The following WNK2 variants were observed in gnomAD, a reference collection of about 807,000 sequenced individuals.
The protein encoded by WNK2 is WNK lysine deficient protein kinase 2, also known as serine/threonine-protein kinase WNK2.
A neutral mutation model predicts 192.1 loss-of-function variants in WNK2; 67 were observed. That is an observed-to-expected ratio of 0.35 (90% CI 0.29 to 0.43). WNK2 has a LOEUF of 0.43. WNK2 is among the 20% of genes least tolerant of loss of function. The probability of loss-of-function intolerance (pLI) is 1.00; values close to 1 mark genes in which losing one functional copy is unlikely to be tolerated. For synonymous variants in WNK2, 1,439 were observed against 1,393.9 expected (o/e 1.03, Z -0.72); for missense variants, 2,698 against 3,089.7 (o/e 0.87, Z 3.01).
chr9:93,238,477 G>A (rs370452448), intron 6 of WNK2, among the ~76,000 whole-genome samples, 156 bp downstream of exon 6: 10 of 152,316 alleles, frequency 6.6e-5, no homozygotes, highest in East Asian at 3.9e-4. Context: ...TGAGCATGTC[G>A]GCCCTGAGTG....
chr9:93,315,823 G>A (rs7860234), intron 28 of WNK2: 22,982 of 146,836 alleles, frequency 0.16, 1,922 homozygotes, highest in East Asian at 0.28. Flanking sequence ...GTGTGTGTGT[G>A]TATATAATGG....
At chr9:93,295,980 A>C (rs1221446896) in intron 23 of WNK2, among the ~76,000 whole-genome samples, 4 of 70,994 alleles carry the variant, frequency 5.6e-5, no homozygotes, top group South Asian at 5.0e-4. Flanking sequence ...TCCCCTCACC[A>C]TCCTCCCTTC....
intron 26 of WNK2, among the ~76,000 whole-genome samples, chr9:93,305,682 G>A (rs777170962): frequency 5.3e-5 from 8 of 152,238 alleles, no homozygotes; most frequent in African/African-American, 9.6e-5. Context: ...GCTGTCCCCC[G>A]AGGCAGGAGG....
At position 93,259,690 on chromosome 9, in the gene WNK2, A is replaced by G; in HGVS notation, c.3066+76A>G. On this transcript the variant is annotated intron_variant, in intron 12 of 29. Coordinates refer to ENST00000427277, the MANE Select transcript of WNK2 (RefSeq NM_006648.4). This position sits in a 1 kb window ranked among gnomAD's most constrained non-coding sequence, Gnocchi z 4.8. ...AGGACCCAGAGATGCAAAGGAGGACAGAGGCAGGCAAGGAGGCAGCCCTGC... is the reference window on the plus strand; with the variant it reads ...AGGACCCAGAGATGCAAAGGAGGACGGAGGCAGGCAAGGAGGCAGCCCTGC... 1 of 1,361,838 alleles carries G rather than the reference A, an allele frequency of 7.3e-7. No individual in the cohort carries two copies. The highest frequency in any genetic ancestry group is 9.7e-7 in the Non-Finnish European group (1 of 1,028,672). 84.4% of individuals were successfully genotyped at this position (1,361,838 alleles called of 1,614,324 possible). A position where few individuals can be genotyped will look rare whatever the true frequency, so the allele number is the denominator to read the frequency against.
At chr9:93,260,223 G>T (rs1844002599) in intron 12 of WNK2, among the ~76,000 whole-genome samples, 1 of 151,620 alleles carries the variant, frequency 6.6e-6, no homozygotes, top group Admixed American at 6.6e-5. Flanking sequence ...CTGGTGGGAG[G>T]CCTTCCCACA....
At position 93,292,712 on chromosome 9, in the gene WNK2, G is replaced by T; in HGVS notation, c.5247G>T (p.Ser1749=). Residue 1749 remains serine (S), a synonymous_variant, in exon 23 of 30, where the codon TCG becomes TCT. Transcript: ENST00000427277. ...CAGCCAAGACTGTGGGCCGTTTCTC[G>T]GTGGTCAGCACTCAGGACGAGTGGA... ...SSPAKTVGRF[S]VVSTQDEWTL... 6.4e-7 allele frequency: 1 copy of T among 1,566,244 alleles called. No individual in the cohort carries two copies. Among genetic ancestry groups the T allele is most frequent in the Non-Finnish European group, 8.6e-7 (1 of 1,156,596 alleles).
intron 7 of WNK2, among the ~76,000 whole-genome samples, chr9:93,242,922 C>T (rs112130919): frequency 5.8e-4 from 88 of 152,302 alleles, no homozygotes; most frequent in African/African-American, 1.9e-3. Flanking sequence ...GAGAATGAGG[C>T]GCTCTTGTTC....
chr9:93,229,643 G>T lies in WNK2; in HGVS notation c.682-53G>T. The T allele has an allele frequency of 7.0e-6, 11 of 1,576,116 alleles. No individual in the cohort carries two copies. Among genetic ancestry groups the T allele is most frequent in the Non-Finnish European group, 9.5e-6 (11 of 1,158,054 alleles). On this transcript the variant is annotated intron_variant, in intron 2 of 29. Transcript: ENST00000427277. The surrounding 1 kb of genome is among the most constrained non-coding windows in gnomAD (Gnocchi z 4.9). ...CGCTGCTGGGATGTGACGCCACCGT[G>T]TCCCCTTCTGTGTCCCATCTCTTGC...
rs556344613 is a variant in WNK2 at position 93,258,938 on chromosome 9, C to T, written c.2390C>T (p.Pro797Leu). The T allele has an allele frequency of 9.9e-6, 16 of 1,611,072 alleles. No homozygotes were observed. Among genetic ancestry groups the T allele is most frequent in the South Asian group, 4.4e-5 (4 of 90,886 alleles). Residue 797 changes from proline (P) to leucine (L), a missense_variant, in exon 12 of 30, where the codon CCG becomes CTG. By Grantham distance (98) the Pro-to-Leu change is moderately conservative. This residue lies in a region of WNK2 where 893 missense variants were observed against 909.0 expected (regional missense o/e 0.98). Coordinates refer to ENST00000427277, the MANE Select transcript of WNK2 (RefSeq NM_006648.4). ...CTCCTGTGTCTCTTTCAGATGCCCC[C>T]GATTCCTGTTGTGCCCCCCATCACG... ...PLAQVPPQMPPIPVVPPITPL... is the reference protein window; with the variant it reads ...PLAQVPPQMPLIPVVPPITPL...
chr9:93,293,220 C>G (rs1303686063), intron 23 of WNK2, 47 bp downstream of exon 23: 1 of 1,399,242 alleles, frequency 7.1e-7, no homozygotes, highest in East Asian at 2.8e-5. Flanking sequence ...TGGGCCATGG[C>G]ACCCCTTCCC....
rs778459252 is a variant in WNK2, at chr9:93,317,570, C to T, written c.6567C>T (p.Pro2189=). 4.3e-6 allele frequency: 7 copies of T among 1,613,508 alleles called. No individual in the cohort carries two copies. The highest frequency in any genetic ancestry group is 1.7e-5 in the Admixed American group (1 of 60,030). ...GVGMPRLPPA[P]GPLSTTVIPG... is the part of the protein sequence containing the mutation. ...GGATGCCACGTCTGCCCCCAGCGCC[C>T]GGCCCTCTGTCCACCACGGTCATTC... is the stretch of plus-strand genomic sequence containing the variant. Residue 2189 remains proline (P), a synonymous_variant, in exon 29 of 30, where the codon CCC becomes CCT. Transcript: ENST00000427277.
At position 93,229,996 on chromosome 9, in the gene WNK2, C is replaced by T. The variant is rs1404967576; in HGVS notation, c.854+128C>T. 2.1e-5 allele frequency: 25 copies of T among 1,188,172 alleles called. No homozygotes were observed. The highest frequency in any genetic ancestry group is 2.8e-5 in the Non-Finnish European group (24 of 861,244). 73.6% of individuals were successfully genotyped at this position (1,188,172 alleles called of 1,614,324 possible). A position where few individuals can be genotyped will look rare whatever the true frequency, so the allele number is the denominator to read the frequency against. On this transcript the variant is annotated intron_variant, in intron 3 of 29. Transcript: ENST00000427277. The surrounding 1 kb of genome is among the most constrained non-coding windows in gnomAD (Gnocchi z 4.9). ...CCTGTGGGAGGCTGTCTCCTCTTTC[C>T]TCTCCTGCATGGGATGCCAGGAGGT... is the stretch of plus-strand genomic sequence containing the variant.
chr9:93,287,438 A>C lies in WNK2; in HGVS notation c.4034-1350A>C, dbSNP rs563966568. On this transcript the variant is annotated intron_variant, in intron 19 of 29. Coordinates refer to ENST00000427277, the MANE Select transcript of WNK2 (RefSeq NM_006648.4). ...GTACCAACACAGAATGGATGCGTGC[A>C]TCATGGTGCAGTTGTGCAAACAATA... Among the ~76,000 whole-genome samples the C allele has an allele frequency of 8.5e-5, 13 of 152,352 alleles. 1 individual carries two copies. In the South Asian group the frequency reaches 2.7e-3, roughly 32 times the overall value.
At chr9:93,235,059 C>G in intron 5 of WNK2, 94 bp downstream of exon 5, 2 of 1,473,874 alleles carry the variant, frequency 1.4e-6, no homozygotes, top group East Asian at 2.4e-5. Flanking sequence ...TAAAGCCATC[C>G]TGGCAGCTGT....
Position 93,196,305 on chromosome 9 carries a change from C to G in WNK2, c.681+10695C>G, listed in dbSNP as rs1831272752. ...CTCCGGTGGGGGAGATGGGACAATT[C>G]TCAGCTGTGAGCCGACTGTGGGAAG... On this transcript the variant is annotated intron_variant, in intron 2 of 29. Coordinates refer to ENST00000427277, the MANE Select transcript of WNK2 (RefSeq NM_006648.4). Among the ~76,000 whole-genome samples the G allele has an allele frequency of 2.6e-5, 4 of 152,112 alleles. No homozygotes were observed. The South Asian group carries it at 8.3e-4, about 32-fold the overall frequency.
At chr9:93,230,597 G>A (rs1303223604) in intron 3 of WNK2, among the ~76,000 whole-genome samples, 1 of 152,196 alleles carries the variant, frequency 6.6e-6, no homozygotes, top group Non-Finnish European at 1.5e-5. Context: ...AGTCAGCCTG[G>A]CACCATCTCC....
At chr9:93,274,181 T>A (rs1032900135) in intron 19 of WNK2, among the ~76,000 whole-genome samples, 1 of 152,142 alleles carries the variant, frequency 6.6e-6, no homozygotes, top group Non-Finnish European at 1.5e-5. Flanking sequence ...AGTAAAATGA[T>A]AAACCTCTAG....
Position 93,214,462 on chromosome 9 carries a change from C to G in WNK2, c.682-15234C>G, listed in dbSNP as rs976859892. On this transcript the variant is annotated intron_variant, in intron 2 of 29. Coordinates refer to ENST00000427277, the MANE Select transcript of WNK2 (RefSeq NM_006648.4). The stretch of plus-strand genomic sequence containing the variant: ...GGGATTACAGGTGCATGCCACCATG[C>G]CTGGCTAATTTTTATATTTTTAGTA... Among the ~76,000 whole-genome samples, 393 of 152,112 alleles carry G rather than the reference C, an allele frequency of 2.6e-3. 5 individuals are homozygous for G. Among genetic ancestry groups the G allele is most frequent in the Non-Finnish European group, 4.7e-4 (32 of 67,976 alleles).
At chr9:93,308,910 T>C (rs1564230693) in intron 28 of WNK2, 3 of 1,177,366 alleles carry the variant, frequency 2.5e-6, no homozygotes, top group Non-Finnish European at 2.1e-6. Flanking sequence ...GCCCTGGTCT[T>C]GGCAGACAGG....
Sources: allele counts gnomAD v4.1 joint callset (sites outside exome capture counted in the v4.1 genomes callset), GRCh38; gene constraint gnomAD v4.1.1; regional missense constraint gnomAD v4.1.1; non-coding constraint Gnocchi (gnomAD v3.1); transcripts MANE v1.5; gene names NCBI Gene and HGNC (gene_info 2026-07-23, HGNC 2026-07-21).